Variants in BICD1 observed in about 807,000 individuals in gnomAD.
BICD1 encodes the protein protein bicaudal D homolog 1.
A neutral mutation model predicts 92.5 loss-of-function variants in BICD1; 35 were observed. That is an observed-to-expected ratio of 0.38 (90% CI 0.29 to 0.50). The LOEUF (loss-of-function observed/expected upper bound fraction) is 0.50, where lower values mean the gene tolerates loss of function less well. BICD1 is among the 20% of genes least tolerant of loss of function. The pLI is 0.93. For synonymous variants in BICD1, 429 were observed against 465.1 expected, an observed-to-expected ratio of 0.92 and a Z score of 1.00; for missense variants, 950 against 1,189.8, an observed-to-expected ratio of 0.80 and a Z score of 2.97.
intron 8 of BICD1, among the ~76,000 whole-genome samples, chr12:32,343,764 C>T (rs148329267): frequency 6.6e-6 from 1 of 152,238 alleles, no homozygotes; most frequent in East Asian, 1.9e-4. Context: ...TGATATTTTG[C>T]TTTTTACTGA....
intron 1 of BICD1, among the ~76,000 whole-genome samples, chr12:32,166,350 G>T (rs1194424946): frequency 6.6e-6 from 1 of 151,562 alleles, no homozygotes; most frequent in Non-Finnish European, 1.5e-5. Flanking sequence ...TGGTCAGGCT[G>T]GTCTCAAACT....
At chr12:32,296,247 T>TTTTG (rs1947866102) in intron 3 of BICD1, among the ~76,000 whole-genome samples, 1 of 30,746 alleles carries the variant, frequency 3.3e-5, no homozygotes, top group Non-Finnish European at 5.8e-5. Context: ...TAAGAAGGGG[T>TTTTG]TTTTTTTTGT....
chr12:32,209,671 A>C (rs1246036841), intron 1 of BICD1, among the ~76,000 whole-genome samples: 1 of 152,186 alleles, frequency 6.6e-6, no homozygotes, highest in Non-Finnish European at 1.5e-5. Context: ...GCGTCATGGC[A>C]GTGCTGTAAT....
chr12:32,332,074 A>T (rs1937900330), intron 5 of BICD1, among the ~76,000 whole-genome samples: 1 of 152,208 alleles, frequency 6.6e-6, no homozygotes, highest in South Asian at 2.1e-4. Context: ...ATTTACAGGG[A>T]CATGGTTGGA....
At chr12:32,167,284 T>C (rs145448792) in intron 1 of BICD1, among the ~76,000 whole-genome samples, 90 of 152,348 alleles carry the variant, frequency 5.9e-4, no homozygotes, top group African/African-American at 1.9e-3. Flanking sequence ...GAAAAATAAA[T>C]TGCTTATCAA....
chr12:32,356,459 C>T (rs891915611), intron 8 of BICD1, among the ~76,000 whole-genome samples: 22 of 151,930 alleles, frequency 1.4e-4, no homozygotes, highest in Admixed American at 1.2e-3. Flanking sequence ...CAAGAGCAGC[C>T]TTGGCAACAT....
intron 2 of BICD1, among the ~76,000 whole-genome samples, chr12:32,257,670 A>G (rs1280116823): frequency 6.6e-6 from 1 of 152,224 alleles, no homozygotes; most frequent in Non-Finnish European, 1.5e-5. Flanking sequence ...CTTTTGAGTC[A>G]GAAGATGTAG....
In BICD1 at chr12:32,378,508, A is replaced by G. The variant is rs939878908; in HGVS notation, c.*881A>G. On this transcript the variant is annotated 3_prime_UTR_variant, in exon 10 of 10. Transcript: ENST00000652176. Reference sequence around the variant, plus strand: ...GTGTATGTGTGTGATAACGTTAAAGAAGGCTCAATAACTTGAAGGGAAAAA... The same window carrying G: ...GTGTATGTGTGTGATAACGTTAAAGGAGGCTCAATAACTTGAAGGGAAAAA... 1 of 152,204 alleles carries G rather than the reference A, an allele frequency of 6.6e-6. No individual in the cohort carries two copies. The highest frequency in any genetic ancestry group is 1.5e-5 in the Non-Finnish European group (1 of 68,034). 9.4% of individuals were successfully genotyped at this position (152,204 alleles called of 1,614,324 possible).
chr12:32,376,792 C>T (rs917972953), intron 9 of BICD1, among the ~76,000 whole-genome samples: 2 of 145,090 alleles, frequency 1.4e-5, no homozygotes, highest in Non-Finnish European at 3.0e-5. Flanking sequence ...CGCTTGAACT[C>T]GGGAGGCGGA....
chr12:32,172,302 A>G (rs902320841), intron 1 of BICD1, among the ~76,000 whole-genome samples: 1 of 152,208 alleles, frequency 6.6e-6, no homozygotes, highest in Non-Finnish European at 1.5e-5. Flanking sequence ...TATAGAGATG[A>G]AAAGACAAGT....
intron 1 of BICD1, among the ~76,000 whole-genome samples, chr12:32,192,692 C>T (rs974303762): frequency 5.9e-5 from 9 of 152,266 alleles, no homozygotes; most frequent in African/African-American, 2.2e-4. Flanking sequence ...AAGCCATTTC[C>T]ATTACATAAA....
chr12:32,336,577 G>A lies in BICD1; in HGVS notation c.2253-922G>A, dbSNP rs149883109. ...GCTGCAATCTATACTAAACTAAAAC[G>A]TATAAATATAGATAAGGAAATGTTT... is the stretch of plus-strand genomic sequence containing the variant. On this transcript the variant is annotated intron_variant, in intron 6 of 9. Transcript: ENST00000652176. Among the ~76,000 whole-genome samples the A allele has an allele frequency of 6.0e-3, 912 of 152,196 alleles. 11 individuals carry two copies. Among genetic ancestry groups the A allele is most frequent in the African/African-American group, 0.021 (878 of 41,532 alleles).
chr12:32,369,234 G>A (rs974655713), intron 9 of BICD1, among the ~76,000 whole-genome samples: 7 of 152,168 alleles, frequency 4.6e-5, no homozygotes, highest in Admixed American at 1.3e-4. Context: ...GCGTCTCAGC[G>A]TTCCATCAGG....
At chr12:32,111,874 T>G (rs1941708323) in intron 1 of BICD1, among the ~76,000 whole-genome samples, 1 of 152,178 alleles carries the variant, frequency 6.6e-6, no homozygotes, top group South Asian at 2.1e-4. Flanking sequence ...CAAATTAATC[T>G]TAAAATCTAA....
In BICD1 at chr12:32,378,720, T is replaced by C. The variant is rs1323526724; in HGVS notation, c.*1093T>C. The C allele has an allele frequency of 2.1e-5, 3 of 144,932 alleles. No individual in the cohort carries two copies. Among genetic ancestry groups the C allele is most frequent in the Non-Finnish European group, 2.9e-5 (2 of 68,000 alleles). 9.0% of individuals were successfully genotyped at this position (144,932 alleles called of 1,614,324 possible). On this transcript the variant is annotated 3_prime_UTR_variant, in exon 10 of 10. Transcript: ENST00000652176. ...AAAGTTTGATTAAAATTGTATGTTT[T>C]GTTGTTGTTAGTTTTTTTCATAACG...
At position 32,330,146 on chromosome 12, in the gene BICD1, C is replaced by A. The variant is rs116216017; in HGVS notation, c.2100+1591C>A. ...AGCTTTCAAGTCCTCATCTCTAGTT[C>A]CCATAAATCTATTTATATAATTGAC... On this transcript the variant is annotated intron_variant, in intron 5 of 9. Coordinates refer to ENST00000652176, the MANE Select transcript of BICD1 (RefSeq NM_001714.4). Among the ~76,000 whole-genome samples, 802 of 152,214 alleles carry A rather than the reference C, an allele frequency of 5.3e-3. 4 individuals are homozygous for A. The highest frequency in any genetic ancestry group is 0.018 in the African/African-American group (752 of 41,530).
At chr12:32,173,064 T>TTA in intron 1 of BICD1, among the ~76,000 whole-genome samples, 1 of 151,822 alleles carries the variant, frequency 6.6e-6, no homozygotes, top group South Asian at 2.1e-4. Flanking sequence ...TTTGTTTTTT[T>TTA]TGGAGACAGC....
Position 32,327,692 on chromosome 12 carries a change from T to G in BICD1, c.1237T>G (p.Leu413Val). ...AHDYEVDINGLEILECKYRVA... is the reference protein window; with the variant it reads ...AHDYEVDINGVEILECKYRVA... The stretch of plus-strand genomic sequence containing the variant: ...TGACTATGAGGTGGACATCAATGGT[T>G]TAGAGATCCTTGAATGCAAATACAG... Residue 413 changes from leucine (L) to valine (V), a missense_variant, in exon 5 of 10, where the codon TTA (leucine) becomes GTA (valine). This residue lies in a region of BICD1 where 246 missense variants were observed against 258.4 expected (regional missense o/e 0.95). Coordinates refer to ENST00000652176, the MANE Select transcript of BICD1 (RefSeq NM_001714.4). The G allele has an allele frequency of 1.2e-6, 2 of 1,614,036 alleles. No individual in the cohort carries two copies. Among genetic ancestry groups the G allele is most frequent in the Non-Finnish European group, 1.7e-6 (2 of 1,179,994 alleles).
At chr12:32,348,726 ATATAT>A (rs1938736750) in intron 8 of BICD1, among the ~76,000 whole-genome samples, 52 of 3,780 alleles carry the variant, frequency 0.014, no homozygotes, top group South Asian at 0.028. Flanking sequence ...ACACAAAAAT[ATATAT>A]ATATATATAT....
Sources: allele counts gnomAD v4.1 joint callset (sites outside exome capture counted in the v4.1 genomes callset), GRCh38; gene constraint gnomAD v4.1.1; regional missense constraint gnomAD v4.1.1; transcripts MANE v1.5; gene names NCBI Gene and HGNC (gene_info 2026-07-23, HGNC 2026-07-21).